Variants in DDX51 observed in about 807,000 individuals in gnomAD.
DDX51 encodes DEAD-box helicase 51.
Under a neutral mutation model 74.6 loss-of-function variants are expected in DDX51, and 67 were observed. The observed-to-expected ratio is 0.90, with a 90% CI of 0.74 to 1.10. The LOEUF (loss-of-function observed/expected upper bound fraction) is 1.10, where lower values mean the gene tolerates loss of function less well. DDX51 is among the 50% of genes least tolerant of loss of function. The pLI is 0.00. For synonymous variants in DDX51, 545 were observed against 402.9 expected, an observed-to-expected ratio of 1.35 and a Z score of -4.22; for missense variants, 1,056 against 905.2, an observed-to-expected ratio of 1.17 and a Z score of -2.14.
At chr12:132,143,474 C>A in intron 2 of DDX51, 3 of 626,286 alleles carry the variant, frequency 4.8e-6, no homozygotes, top group Non-Finnish European at 8.0e-6. Context: ...AGAACTGGCG[C>A]GGCGCGGCGG....
rs1897352892 is a variant in DDX51 at position 132,139,114 on chromosome 12, G to A, written c.*158C>T. The stretch of plus-strand genomic sequence containing the variant: ...TCGGGGCAGGTGCTTGAGCTCTGAC[G>A]CCCGGGCTGCCTGGCGCAGAGACCA... On this transcript the variant is annotated 3_prime_UTR_variant, in exon 15 of 15. Coordinates refer to ENST00000397333, the MANE Select transcript of DDX51 (RefSeq NM_175066.4). The A allele has an allele frequency of 1.3e-5, 15 of 1,125,120 alleles. No individual in the cohort carries two copies. The highest frequency in any genetic ancestry group is 9.0e-5 in the South Asian group (6 of 67,030). The allele number at this position is 1,125,120 out of a possible 1,614,324, so 69.7% of individuals were successfully genotyped here. A position where few individuals can be genotyped will look rare whatever the true frequency, so the allele number is the denominator to read the frequency against.
intron 2 of DDX51, 126 bp downstream of exon 2, chr12:132,143,569 G>A (rs549929202): frequency 2.4e-6 from 3 of 1,272,238 alleles, no homozygotes; most frequent in Admixed American, 4.4e-5. Context: ...TGCAGACCTG[G>A]CAGCGAGGCG....
chr12:132,144,096 T>C lies in DDX51; in HGVS notation c.201A>G (p.Arg67=). 1 of 1,228,344 alleles carries C rather than the reference T, an allele frequency of 8.1e-7. No individual in the cohort carries two copies. The allele number at this position is 1,228,344 out of a possible 1,614,324, so 76.1% of individuals were successfully genotyped here. A position where few individuals can be genotyped will look rare whatever the true frequency, so the allele number is the denominator to read the frequency against. Residue 67 remains arginine, a synonymous_variant, in exon 1 of 15, where the codon CGA becomes CGG. Coordinates refer to ENST00000397333, the MANE Select transcript of DDX51 (RefSeq NM_175066.4). ...CCCGCCGCCGCCGCCGGGGCCGCCG[T>C]CGCCTCCTGGTCGCCGGCTCGGTCG... The part of the protein sequence containing the change: ...AASTEPATRR[R]RRPRRRRRVN...
At chr12:132,141,229 G>A (rs768513264) in intron 8 of DDX51, 46 bp downstream of exon 8, 48 of 1,549,082 alleles carry the variant, frequency 3.1e-5, no homozygotes, top group Non-Finnish European at 3.7e-5. Context: ...TGTGTGCAGA[G>A]GACTCTGCTC....
chr12:132,139,135 G>T lies in DDX51; in HGVS notation c.*137C>A. 7.4e-7 allele frequency: 1 copy of T among 1,348,438 alleles called. No individual in the cohort carries two copies. Among genetic ancestry groups the T allele is most frequent in the South Asian group, 1.3e-5 (1 of 74,978 alleles). 83.5% of individuals were successfully genotyped at this position (1,348,438 alleles called of 1,614,324 possible). On this transcript the variant is annotated 3_prime_UTR_variant, in exon 15 of 15. Transcript: ENST00000397333. The stretch of plus-strand genomic sequence containing the variant: ...TGACGCCCGGGCTGCCTGGCGCAGA[G>T]ACCACGTGCTTGGGGAGGAAGGCTG...
In DDX51 at chr12:132,141,695, C is replaced by T. The variant is rs117087653; in HGVS notation, c.996-89G>A. On this transcript the variant is annotated intron_variant, in intron 6 of 14. Coordinates refer to ENST00000397333, the MANE Select transcript of DDX51 (RefSeq NM_175066.4). Reference sequence around the variant, plus strand: ...CTGCCTCACCCCACAGCCCCGACTCCACCCCACATGGGAAGGGGGCCGGTG... The same window carrying T: ...CTGCCTCACCCCACAGCCCCGACTCTACCCCACATGGGAAGGGGGCCGGTG... The T allele has an allele frequency of 8.9e-5, 132 of 1,488,976 alleles. No homozygotes were observed. In the East Asian group the frequency reaches 2.9e-3, roughly 32 times the overall value. The allele number at this position is 1,488,976 out of a possible 1,614,324, so 92.2% of individuals were successfully genotyped here. A position where few individuals can be genotyped will look rare whatever the true frequency, so the allele number is the denominator to read the frequency against.
In DDX51 at chr12:132,144,098, G is replaced by A; in HGVS notation, c.199C>T (p.Arg67Ter). 1 of 1,226,564 alleles carries A rather than the reference G, an allele frequency of 8.2e-7. No homozygotes were observed. Among genetic ancestry groups the A allele is most frequent in the South Asian group, 3.5e-5 (1 of 28,576 alleles). 76.0% of individuals were successfully genotyped at this position (1,226,564 alleles called of 1,614,324 possible). Reference sequence around the variant, plus strand: ...CGCCGCCGCCGCCGGGGCCGCCGTCGCCTCCTGGTCGCCGGCTCGGTCGAT... The same window carrying A: ...CGCCGCCGCCGCCGGGGCCGCCGTCACCTCCTGGTCGCCGGCTCGGTCGAT... ...AASTEPATRR[R>*]RRPRRRRRVN... The change falls in exon 1 of 15, where the codon CGA becomes TGA. Residue 67 changes from arginine to a stop codon, truncating the protein, a stop_gained. Coordinates refer to ENST00000397333, the MANE Select transcript of DDX51 (RefSeq NM_175066.4). LOFTEE classifies it high-confidence loss of function.
At position 132,138,914 on chromosome 12, in the gene DDX51, G is replaced by A. The variant is rs1897347428; in HGVS notation, c.*358C>T. 2 of 275,646 alleles carry A rather than the reference G, an allele frequency of 7.3e-6. No homozygotes were observed. The highest frequency in any genetic ancestry group is 1.4e-5 in the Non-Finnish European group (2 of 146,336). The allele number at this position is 275,646 out of a possible 1,614,324, so 17.1% of individuals were successfully genotyped here. ...ATTACAGGCATGAGCCACCATGCCT[G>A]GCCAAGAGCTTGATTTTTAACATTA... On this transcript the variant is annotated 3_prime_UTR_variant, in exon 15 of 15. Coordinates refer to ENST00000397333, the MANE Select transcript of DDX51 (RefSeq NM_175066.4).
Position 132,139,067 on chromosome 12 carries a change from T to C in DDX51, c.*205A>G. 1 of 664,788 alleles carries C rather than the reference T, an allele frequency of 1.5e-6. No homozygotes were observed. Among genetic ancestry groups the C allele is most frequent in the Non-Finnish European group, 2.5e-6 (1 of 398,910 alleles). The allele number at this position is 664,788 out of a possible 1,614,324, so 41.2% of individuals were successfully genotyped here. A position where few individuals can be genotyped will look rare whatever the true frequency, so the allele number is the denominator to read the frequency against. ...CATCCTGACCTCCACACTCTGAAAG[T>C]GACAAGCCCTGAAGTCTCCAGTCGG... On this transcript the variant is annotated 3_prime_UTR_variant, in exon 15 of 15. Transcript: ENST00000397333.
chr12:132,141,897 C>G lies in DDX51; in HGVS notation c.948G>C (p.Thr316=), dbSNP rs769812971. ...DATPLRVSLV[T]GQKSLAKEQE... is the part of the protein sequence containing the mutation. ...GCTCCTTGGCCAGAGACTTCTGTCC[C>G]GTAACCAGGGAGACTCTCAGAGGTG... Residue 316 remains threonine, a synonymous_variant, in exon 6 of 15, where the codon ACG becomes ACC. Coordinates refer to ENST00000397333, the MANE Select transcript of DDX51 (RefSeq NM_175066.4). The G allele has an allele frequency of 6.8e-6, 11 of 1,613,084 alleles. No homozygotes were observed. In the Admixed American group the frequency reaches 1.7e-4, roughly 24 times the overall value.
In DDX51 at chr12:132,141,959, G is replaced by A. The variant is rs773283835; in HGVS notation, c.889-3C>T. 2.5e-6 allele frequency: 4 copies of A among 1,612,526 alleles called. No homozygotes were observed. Among genetic ancestry groups the A allele is most frequent in the Middle Eastern group, 1.7e-4 (1 of 6,056 alleles). On this transcript the variant is annotated splice_region_variant and splice_polypyrimidine_tract_variant and intron_variant, in intron 5 of 14. Transcript: ENST00000397333. The stretch of plus-strand genomic sequence containing the variant: ...TAGATGTTGAAAACTTTGCTCACCT[G>A]CAGGAGAAGTCTGTCACTGGCCTGG...
rs778843273 is a variant in DDX51, at chr12:132,139,780, G to C, written c.1840-11C>G. The C allele has an allele frequency of 2.5e-6, 4 of 1,613,078 alleles. No individual in the cohort carries two copies. The highest frequency in any genetic ancestry group is 4.5e-5 in the East Asian group (2 of 44,864). On this transcript the variant is annotated splice_polypyrimidine_tract_variant and intron_variant, in intron 13 of 14. Transcript: ENST00000397333. ...GAGGAATCTCCTCTCCTGGAGAGAAGCTCATGGTGGAAGGGGGTTCTTGGG... is the reference window on the plus strand; with the variant it reads ...GAGGAATCTCCTCTCCTGGAGAGAACCTCATGGTGGAAGGGGGTTCTTGGG...
Position 132,139,932 on chromosome 12 carries a change from C to T in DDX51, c.1776-8G>A, listed in dbSNP as rs1358366813. 1 of 1,612,828 alleles carries T rather than the reference C, an allele frequency of 6.2e-7. No individual in the cohort carries two copies. Among genetic ancestry groups the T allele is most frequent in the African/African-American group, 1.3e-5 (1 of 74,952 alleles). On this transcript the variant is annotated splice_region_variant and splice_polypyrimidine_tract_variant and intron_variant, in intron 12 of 14. Coordinates refer to ENST00000397333, the MANE Select transcript of DDX51 (RefSeq NM_175066.4). ...CGAGCTGTCCTCCCAACCCTGGAAT[C>T]AAACGCAGCTATCTCCAGACTGGCC...
rs1897276206 is a variant in DDX51 at position 132,137,040 on chromosome 12, T to C, written c.*2232A>G. Reference sequence around the variant, plus strand: ...CTTGTCCTCCCAGGGCCCAGGGTTTTAGCTGGGACAAGGTGTGCTATTTGT... The same window carrying C: ...CTTGTCCTCCCAGGGCCCAGGGTTTCAGCTGGGACAAGGTGTGCTATTTGT... On this transcript the variant is annotated 3_prime_UTR_variant, in exon 15 of 15. Transcript: ENST00000397333. The C allele has an allele frequency of 6.6e-6, 1 of 152,266 alleles. No homozygotes were observed. Among genetic ancestry groups the C allele is most frequent in the East Asian group, 1.9e-4 (1 of 5,200 alleles). The allele number at this position is 152,266 out of a possible 1,614,324, so 9.4% of individuals were successfully genotyped here.
chr12:132,140,220 G>C (rs758104249), intron 11 of DDX51, 21 bp from the exon 12 acceptor site: 1 of 1,606,946 alleles, frequency 6.2e-7, no homozygotes. Flanking sequence ...ACGCAGCATT[G>C]TGGGCCCGAC....
rs1412994294 is a variant in DDX51 at position 132,143,683 on chromosome 12, G to T, written c.519+12C>A. ...TCTCACGCCGACCACCCTCCCGCCCGCCGAGGCTCACCTTCGGCGCCTTCC... is the reference window on the plus strand; with the variant it reads ...TCTCACGCCGACCACCCTCCCGCCCTCCGAGGCTCACCTTCGGCGCCTTCC... On this transcript the variant is annotated intron_variant, in intron 2 of 14. Transcript: ENST00000397333. 3.9e-6 allele frequency: 6 copies of T among 1,536,620 alleles called. No homozygotes were observed. The highest frequency in any genetic ancestry group is 4.4e-6 in the Non-Finnish European group (5 of 1,144,520).
In DDX51 at chr12:132,140,406, C is replaced by T. The variant is rs1565953472; in HGVS notation, c.1673+17G>A. 2.5e-6 allele frequency: 4 copies of T among 1,612,630 alleles called. No individual in the cohort carries two copies. In the South Asian group the frequency reaches 3.3e-5, roughly 13 times the overall value. On this transcript the variant is annotated intron_variant, in intron 11 of 14. Transcript: ENST00000397333. ...ACCCCCACCCCACAGAGGCCTTGCC[C>T]CTGCCCAGGAACTCACAGCTGGATC...
rs775197707 is a variant in DDX51, at chr12:132,142,276, C to A, written c.816+1G>T. 1 of 1,613,042 alleles carries A rather than the reference C, an allele frequency of 6.2e-7. No individual in the cohort carries two copies. Among genetic ancestry groups the A allele is most frequent in the Non-Finnish European group, 8.5e-7 (1 of 1,179,922 alleles). On this transcript the variant is annotated splice_donor_variant, in intron 4 of 14. Transcript: ENST00000397333. LOFTEE classifies it high-confidence loss of function. Reference sequence around the variant, plus strand: ...TAGAGAAAGGGGACCCTCACACAGACCTGCACCACAGGGATGACGAAGGCC... The same window carrying A: ...TAGAGAAAGGGGACCCTCACACAGAACTGCACCACAGGGATGACGAAGGCC...
chr12:132,142,121 G>A lies in DDX51; in HGVS notation c.886C>T (p.Gln296Ter). 1.3e-6 allele frequency: 2 copies of A among 1,547,694 alleles called. No individual in the cohort carries two copies. Among genetic ancestry groups the A allele is most frequent in the Non-Finnish European group, 1.7e-6 (2 of 1,147,000 alleles). Residue 296 changes from glutamine to a stop codon, truncating the protein, a stop_gained and splice_region_variant, in exon 5 of 15, where the codon CAG becomes TAG. Transcript: ENST00000397333. LOFTEE classifies it high-confidence loss of function. Reference protein sequence around the residue: ...VVLPTKELAQQVSKVFNIYTD... With the variant: ...VVLPTKELAQ ...CTCCAGGTCTAGGGTCCACATACCT[G>A]CTGGGCCAGCTCCTTGGTGGGCAGC...
Sources: allele counts gnomAD v4.1 joint callset, GRCh38; gene constraint gnomAD v4.1.1; transcripts MANE v1.5; gene names NCBI Gene and HGNC (gene_info 2026-07-23, HGNC 2026-07-21).